Variants in MTA3 observed in about 807,000 individuals in gnomAD.
The protein encoded by MTA3 is metastasis associated 1 family member 3, also known as metastasis-associated protein MTA3.
MTA3 carries 34 observed loss-of-function variants against 83.5 expected under a neutral mutation model. The observed-to-expected ratio is 0.41, with a 90% CI of 0.31 to 0.54. MTA3 has a LOEUF of 0.54. MTA3 is among the 20% of genes least tolerant of loss of function. The pLI is 0.33. For synonymous variants in MTA3, 303 were observed against 252.7 expected, an observed-to-expected ratio of 1.20 and a Z score of -1.89; for missense variants, 761 against 726.4, an observed-to-expected ratio of 1.05 and a Z score of -0.55.
chr2:42,546,740 G>A (rs772418730), intron 2 of MTA3, among the ~76,000 whole-genome samples: 1 of 152,144 alleles, frequency 6.6e-6, no homozygotes, highest in Non-Finnish European at 1.5e-5. Context: ...CCTTACGCAT[G>A]TTGCAAGACT....
intron 2 of MTA3, among the ~76,000 whole-genome samples, chr2:42,571,705 T>C (rs1573009114): frequency 1.3e-5 from 2 of 152,154 alleles, no homozygotes; most frequent in African/African-American, 4.8e-5. Context: ...CCCAGCACTT[T>C]GGGAGGTCGA....
chr2:42,651,872 T>A (rs184425829), intron 6 of MTA3, among the ~76,000 whole-genome samples: 20 of 151,196 alleles, frequency 1.3e-4, no homozygotes, highest in Admixed American at 1.3e-3. Flanking sequence ...GTTGGGTGGA[T>A]CGCCTGAGGT....
At chr2:42,557,256 G>A (rs1393661852) in intron 2 of MTA3, among the ~76,000 whole-genome samples, 1 of 151,250 alleles carries the variant, frequency 6.6e-6, no homozygotes, top group Non-Finnish European at 1.5e-5. Flanking sequence ...TCCAGCCTGG[G>A]CAACAGAGAG....
At chr2:42,575,777 T>A (rs899583322) in intron 2 of MTA3, among the ~76,000 whole-genome samples, 1 of 152,144 alleles carries the variant, frequency 6.6e-6, no homozygotes, top group African/African-American at 2.4e-5. Flanking sequence ...GTAGCTAAAT[T>A]ATTGGGTTGC....
In MTA3 at chr2:42,536,858, C is replaced by CAAAAAAAAAAAAAA; in HGVS notation, c.-140-33573_-140-33560dup. ...TGGGCAACAGAGTGAGACCCCATCT[C>CAAAAAAAAAAAAAA]AAAAAAAAAAAAAAAAAAAGGGAGT... On this transcript the variant is annotated intron_variant, in intron 2 of 17. Coordinates refer to the MTA3 transcript ENST00000405592. 2.4e-5 allele frequency among the ~76,000 whole-genome samples: 2 copies of CAAAAAAAAAAAAAA among 84,322 alleles called. 1 individual carries two copies. Among genetic ancestry groups the CAAAAAAAAAAAAAA allele is most frequent in the African/African-American group, 9.7e-5 (2 of 20,670 alleles). The allele number at this position is 84,322 out of a possible 152,430, so 55.3% of individuals were successfully genotyped here. A position where few individuals can be genotyped will look rare whatever the true frequency, so the allele number is the denominator to read the frequency against.
intron 5 of MTA3, among the ~76,000 whole-genome samples, chr2:42,641,132 C>G (rs968412021): frequency 6.6e-6 from 1 of 151,628 alleles, no homozygotes; most frequent in African/African-American, 2.4e-5. Context: ...GTCTTCAACT[C>G]CTGGCCTCAG....
intron 4 of MTA3, among the ~76,000 whole-genome samples, chr2:42,629,377 C>T (rs1042254842): frequency 1.8e-4 from 27 of 152,070 alleles, no homozygotes; most frequent in African/African-American, 4.8e-4. Flanking sequence ...CCGTGCCCAG[C>T]GGATAGAGCA....
intron 3 of MTA3, among the ~76,000 whole-genome samples, chr2:42,592,567 G>A (rs1217481252): frequency 6.6e-6 from 1 of 152,164 alleles, no homozygotes; most frequent in Non-Finnish European, 1.5e-5. Flanking sequence ...CTGGTGTACA[G>A]ATGGAGACCC....
At chr2:42,687,250 G>A (rs1692462210) in intron 9 of MTA3, among the ~76,000 whole-genome samples, 1 of 152,198 alleles carries the variant, frequency 6.6e-6, no homozygotes, top group Non-Finnish European at 1.5e-5. Context: ...ACTGATTTAT[G>A]CTCCATCCCT....
intron 4 of MTA3, among the ~76,000 whole-genome samples, chr2:42,633,918 A>G (rs1245704252): frequency 6.6e-6 from 1 of 152,086 alleles, no homozygotes; most frequent in African/African-American, 2.4e-5. Context: ...TCTTTCACTT[A>G]ATATATGCAA....
intron 4 of MTA3, among the ~76,000 whole-genome samples, chr2:42,620,440 G>A (rs985572169): frequency 6.6e-6 from 1 of 152,112 alleles, no homozygotes; most frequent in African/African-American, 2.4e-5. Flanking sequence ...ATCTTGACCT[G>A]TGAACTCAGA....
At chr2:42,563,217 A>C (rs1677749830) in intron 2 of MTA3, among the ~76,000 whole-genome samples, 1 of 151,850 alleles carries the variant, frequency 6.6e-6, no homozygotes, top group African/African-American at 2.4e-5. Flanking sequence ...TTCCTTCAAC[A>C]CTTCCCATTG....
intron 2 of MTA3, among the ~76,000 whole-genome samples, chr2:42,504,598 A>C (rs748315062): frequency 1.3e-5 from 2 of 151,964 alleles, no homozygotes; most frequent in African/African-American, 4.8e-5. Context: ...CTCCTGTGTC[A>C]TACTTATGAC....
At chr2:42,704,425 C>T in intron 12 of MTA3, 107 bp downstream of exon 12, 2 of 1,331,426 alleles carry the variant, frequency 1.5e-6, no homozygotes, top group South Asian at 1.4e-5. Flanking sequence ...TTGGAAGGCA[C>T]AAGCATGTCT....
chr2:42,497,121 G>A (rs1242147522), intron 2 of MTA3, among the ~76,000 whole-genome samples: 6 of 151,836 alleles, frequency 4.0e-5, no homozygotes, highest in African/African-American at 1.5e-4. Flanking sequence ...CAGGAGAATC[G>A]CTTGAACCTG....
At position 42,756,337 on chromosome 2, in the gene MTA3, T is replaced by G. The variant is rs1670237924; in HGVS notation, c.*2938T>G. ...CCCAGCCTCTCCCCTCCTCTTGGCC[T>G]CCAGAGTCCTGCAGGTGCCTCACAG... On this transcript the variant is annotated 3_prime_UTR_variant, in exon 17 of 17. Coordinates refer to ENST00000405094, the MANE Select transcript of MTA3 (RefSeq NM_001330442.2). 2 of 476,166 alleles carry G rather than the reference T, an allele frequency of 4.2e-6. No homozygotes were observed. Among genetic ancestry groups the G allele is most frequent in the African/African-American group, 2.1e-5 (1 of 47,410 alleles). The allele number at this position is 476,166 out of a possible 1,614,324, so 29.5% of individuals were successfully genotyped here.
At chr2:42,601,070 C>G (rs1384432940) in intron 3 of MTA3, among the ~76,000 whole-genome samples, 2 of 152,038 alleles carry the variant, frequency 1.3e-5, no homozygotes, top group African/African-American at 4.8e-5. Context: ...CCACGTCCGG[C>G]TAATTTTTGT....
chr2:42,586,477 AACACACACACACAC>A (rs573814961), intron 3 of MTA3, among the ~76,000 whole-genome samples: 17 of 72,698 alleles, frequency 2.3e-4, no homozygotes, highest in Non-Finnish European at 2.7e-4. Flanking sequence ...AAGGAAGGAA[AACACACACACACAC>A]ACACACACAC....
chr2:42,510,616 T>A (rs764443731), intron 2 of MTA3, among the ~76,000 whole-genome samples: 2 of 152,210 alleles, frequency 1.3e-5, no homozygotes, highest in African/African-American at 2.4e-5. Flanking sequence ...ACTGCTTCTT[T>A]CCTGTAGTAT....
Sources: gnomAD v4.1 joint callset for allele counts (sites outside exome capture counted in the v4.1 genomes callset) on GRCh38, gnomAD v4.1.1 for gene constraint, MANE v1.5 for transcripts, NCBI Gene and HGNC (gene_info 2026-07-23, HGNC 2026-07-21) for gene names.